The following DIAPH3 variants were observed in gnomAD, a reference collection of about 807,000 sequenced individuals.
DIAPH3 encodes the protein diaphanous related formin 3, also known as protein diaphanous homolog 3.
In DIAPH3, 117 loss-of-function variants were observed where a neutral mutation model predicts 144.3. That is an observed-to-expected ratio of 0.81 (90% CI 0.70 to 0.95). The LOEUF (loss-of-function observed/expected upper bound fraction) is 0.95. Ranked by LOEUF, DIAPH3 falls within the 40% of genes least tolerant of loss-of-function variation. The pLI is 0.00. For synonymous variants in DIAPH3, 519 were observed against 488.9 expected (o/e 1.06, Z -0.81); for missense variants, 1,421 against 1,412.7 (o/e 1.01, Z -0.09).
intron 27 of DIAPH3, among the ~76,000 whole-genome samples, chr13:59,741,476 G>T (rs1280717597): frequency 6.6e-6 from 1 of 152,138 alleles, no homozygotes; most frequent in Non-Finnish European, 1.5e-5. Flanking sequence ...AAAGTGGGGG[G>T]CCAGGCGCAG....
At chr13:59,848,061 G>A (rs1036369449) in intron 22 of DIAPH3, among the ~76,000 whole-genome samples, 4 of 152,088 alleles carry the variant, frequency 2.6e-5, no homozygotes, top group African/African-American at 7.2e-5. Flanking sequence ...ACCTCAAAAT[G>A]CATTCGTTTT....
chr13:60,136,087 G>C (rs2059265824), intron 1 of DIAPH3, among the ~76,000 whole-genome samples: 1 of 152,136 alleles, frequency 6.6e-6, no homozygotes, highest in South Asian at 2.1e-4. Context: ...CAAGAAGAGG[G>C]AGAAAGGAAG....
chr13:59,990,091 T>C (rs2051713285), intron 12 of DIAPH3, among the ~76,000 whole-genome samples: 2 of 151,912 alleles, frequency 1.3e-5, no homozygotes, highest in Non-Finnish European at 2.9e-5. Context: ...ATAATATAAA[T>C]ATTTAAACTG....
At position 60,000,688 on chromosome 13, in the gene DIAPH3, C is replaced by CA. The variant is rs570770495; in HGVS notation, c.1014+7855dup. Reference sequence around the variant, plus strand: ...ATGCTACAGATTCACATCAAACCATCAAAGACAACCAAACAATTTTTTCTC... The same window carrying CA: ...ATGCTACAGATTCACATCAAACCATCAAAAGACAACCAAACAATTTTTTCTC... On this transcript the variant is annotated intron_variant, in intron 9 of 27. Coordinates refer to ENST00000400324, the MANE Select transcript of DIAPH3 (RefSeq NM_001042517.2). Among the ~76,000 whole-genome samples, 77 of 152,312 alleles carry CA rather than the reference C, an allele frequency of 5.1e-4. 1 individual carries two copies. Among genetic ancestry groups the CA allele is most frequent in the Non-Finnish European group, 9.0e-4 (61 of 68,014 alleles).
intron 20 of DIAPH3, among the ~76,000 whole-genome samples, chr13:59,897,479 G>C (rs1411102595): frequency 6.6e-6 from 1 of 151,962 alleles, no homozygotes; most frequent in Non-Finnish European, 1.5e-5. Flanking sequence ...GCCGGGCACG[G>C]TGGCTCACGC....
chr13:59,771,498 A>C (rs2038118297), intron 27 of DIAPH3, among the ~76,000 whole-genome samples: 1 of 146,832 alleles, frequency 6.8e-6, no homozygotes, highest in Non-Finnish European at 1.5e-5. Flanking sequence ...TGGGAAGAAG[A>C]GATGAGGCAC....
intron 3 of DIAPH3, among the ~76,000 whole-genome samples, chr13:60,097,242 T>A (rs1384694143): frequency 6.6e-6 from 1 of 152,182 alleles, no homozygotes. Context: ...ATATTTAAAT[T>A]TGATCCCCAA....
intron 23 of DIAPH3, among the ~76,000 whole-genome samples, chr13:59,834,105 A>G (rs1204121554): frequency 6.6e-6 from 1 of 151,772 alleles, no homozygotes; most frequent in Admixed American, 6.6e-5. Context: ...ATATATTTCA[A>G]AACACACTGA....
chr13:59,702,415 A>T (rs1003474268), intron 27 of DIAPH3, among the ~76,000 whole-genome samples: 1 of 152,224 alleles, frequency 6.6e-6, no homozygotes, highest in Admixed American at 6.5e-5. Flanking sequence ...GTCTTGCTAG[A>T]TATTATATTC....
chr13:59,764,697 C>G (rs183889574), intron 27 of DIAPH3, among the ~76,000 whole-genome samples: 104 of 151,328 alleles, frequency 6.9e-4, no homozygotes, highest in African/African-American at 2.4e-3. Context: ...GAGACATACA[C>G]TGGAGTGATG....
intron 22 of DIAPH3, among the ~76,000 whole-genome samples, chr13:59,856,077 A>T (rs1203386870): frequency 1.3e-5 from 2 of 152,196 alleles, no homozygotes; most frequent in African/African-American, 2.4e-5. Context: ...ATCCTTATAC[A>T]TGTACTACTT....
intron 23 of DIAPH3, among the ~76,000 whole-genome samples, chr13:59,835,974 CAA>C (rs1383722648): frequency 6.6e-6 from 1 of 151,176 alleles, no homozygotes; most frequent in East Asian, 1.9e-4. Context: ...GAATAACACA[CAA>C]AAAAAGTGTG....
At chr13:59,862,382 T>C (rs2043648674) in intron 21 of DIAPH3, among the ~76,000 whole-genome samples, 1 of 152,146 alleles carries the variant, frequency 6.6e-6, no homozygotes, top group African/African-American at 2.4e-5. Context: ...GAAAGCTCCC[T>C]CCAGTGAGTG....
At chr13:59,766,947 T>C (rs1471275155) in intron 27 of DIAPH3, among the ~76,000 whole-genome samples, 1 of 152,202 alleles carries the variant, frequency 6.6e-6, no homozygotes, top group Non-Finnish European at 1.5e-5. Context: ...CCATCCTTTT[T>C]GTACCTGGCC....
intron 25 of DIAPH3, among the ~76,000 whole-genome samples, chr13:59,793,748 C>T (rs540186028): frequency 7.9e-5 from 12 of 152,256 alleles, no homozygotes; most frequent in African/African-American, 1.4e-4. Context: ...CAGCAACAAG[C>T]GCTATTCCTG....
chr13:59,924,665 T>C (rs2047673897), intron 18 of DIAPH3, 110 bp downstream of exon 18: 1 of 1,464,900 alleles, frequency 6.8e-7, no homozygotes, highest in Non-Finnish European at 9.1e-7. Flanking sequence ...ATCATGCATA[T>C]AATAACAAAA....
At chr13:59,939,815 T>A (rs1162886223) in intron 17 of DIAPH3, among the ~76,000 whole-genome samples, 1 of 147,746 alleles carries the variant, frequency 6.8e-6, no homozygotes, top group African/African-American at 2.5e-5. Flanking sequence ...TATGTATATG[T>A]ATCTACAGGG....
intron 1 of DIAPH3, among the ~76,000 whole-genome samples, chr13:60,150,610 G>A (rs545785870): frequency 2.0e-5 from 3 of 152,236 alleles, no homozygotes; most frequent in African/African-American, 4.8e-5. Flanking sequence ...GAACAAATGC[G>A]GTTATTGTGA....
At chr13:59,710,126 G>C (rs1051463317) in intron 27 of DIAPH3, among the ~76,000 whole-genome samples, 1 of 151,920 alleles carries the variant, frequency 6.6e-6, no homozygotes, top group Non-Finnish European at 1.5e-5. Flanking sequence ...GGATAGCATT[G>C]GGAGATATAC....
Sources: allele counts gnomAD v4.1 joint callset (sites outside exome capture counted in the v4.1 genomes callset), GRCh38; gene constraint gnomAD v4.1.1; transcripts MANE v1.5; gene names NCBI Gene and HGNC (gene_info 2026-07-23, HGNC 2026-07-21).